Variants in SLC6A7 observed in about 807,000 individuals in gnomAD.
SLC6A7 encodes solute carrier family 6 member 7, also known as sodium-dependent proline transporter.
A neutral mutation model predicts 73.1 loss-of-function variants in SLC6A7; 58 were observed. The ratio of observed to expected loss-of-function variants is 0.79; its 90% CI spans 0.64 to 0.99. The LOEUF is 0.99. Among genes scored for constraint, SLC6A7 ranks in the 50% least tolerant of loss-of-function variants. The probability of loss-of-function intolerance (pLI) is 0.00; values close to 1 mark genes in which losing one functional copy is unlikely to be tolerated. For synonymous variants in SLC6A7, 338 were observed against 338.7 expected (o/e 1.00, Z 0.02); for missense variants, 783 against 831.4 (o/e 0.94, Z 0.72).
intron 1 of SLC6A7, among the ~76,000 whole-genome samples, chr5:150,192,494 A>C (rs573428234): frequency 6.6e-6 from 1 of 152,318 alleles, no homozygotes; most frequent in East Asian, 1.9e-4. Flanking sequence ...TTCAGCTTCC[A>C]GCCCTGCCCC....
intron 10 of SLC6A7, among the ~76,000 whole-genome samples, chr5:150,204,313 T>C (rs1055327024): frequency 3.9e-5 from 6 of 152,158 alleles, no homozygotes; most frequent in Non-Finnish European, 7.4e-5. Flanking sequence ...CTCCCTGAGA[T>C]TGTTTTTCCT....
chr5:150,202,283 C>A, intron 6 of SLC6A7, 64 bp from the exon 7 acceptor site: 1 of 1,125,864 alleles, frequency 8.9e-7, no homozygotes, highest in South Asian at 1.3e-5. Flanking sequence ...CATCTTCATT[C>A]ACTGCCTTCC....
At chr5:150,204,097 G>C in intron 10 of SLC6A7, 59 bp downstream of exon 10, 1 of 1,537,706 alleles carries the variant, frequency 6.5e-7, no homozygotes, top group Admixed American at 1.8e-5. Context: ...CGCCTGCAAC[G>C]AGATCTCTGG....
Position 150,204,922 on chromosome 5 carries a change from C to A in SLC6A7, c.1528C>A (p.Leu510Ile). 2.3e-6 allele frequency: 2 copies of A among 862,720 alleles called. No homozygotes were observed. The highest frequency in any genetic ancestry group is 1.6e-5 in the African/African-American group (1 of 61,052). 53.4% of individuals were successfully genotyped at this position (862,720 alleles called of 1,614,324 possible). A position where few individuals can be genotyped will look rare whatever the true frequency, so the allele number is the denominator to read the frequency against. Residue 510 changes from leucine (L) to isoleucine (I), a missense_variant, in exon 12 of 14, where the codon CTC (leucine) becomes ATC (isoleucine). Coordinates refer to ENST00000230671, the MANE Select transcript of SLC6A7 (RefSeq NM_014228.5). Reference sequence around the variant, plus strand: ...CTGGCTGTTCCTGTCCCCAGCCACGCTCTTGGTAACTGGGGAGGGCGGGAG... The same window carrying A: ...CTGGCTGTTCCTGTCCCCAGCCACGATCTTGGTAACTGGGGAGGGCGGGAG... ...ACWLFLSPAT[L>I]LALMVYSIVK...
intron 13 of SLC6A7, among the ~76,000 whole-genome samples, chr5:150,208,918 G>T (rs1013464801): frequency 1.3e-5 from 2 of 152,180 alleles, no homozygotes; most frequent in African/African-American, 4.8e-5. Context: ...GCCCACCGCA[G>T]TTCTCCCGGT....
Position 150,197,150 on chromosome 5 carries a change from C to T in SLC6A7, c.458C>T (p.Pro153Leu). ...YLFASLTSDL[P>L]WEHCGNWWNT... ...TTCGCCTCCCTCACCAGCGACCTAC[C>T]CTGGGAGCACTGTGGCAACTGGTGG... Residue 153 changes from proline (P) to leucine (L), a missense_variant, in exon 4 of 14, where the codon CCC becomes CTC. Coordinates refer to ENST00000230671, the MANE Select transcript of SLC6A7 (RefSeq NM_014228.5). The T allele has an allele frequency of 6.2e-7, 1 of 1,614,070 alleles. No homozygotes were observed.
intron 11 of SLC6A7, 79 bp downstream of exon 11, chr5:150,204,710 T>C: frequency 7.3e-7 from 1 of 1,361,440 alleles, no homozygotes; most frequent in South Asian, 1.2e-5. Context: ...CCCCAGTACC[T>C]GGGTCCCTGG....
intron 13 of SLC6A7, 82 bp downstream of exon 13, chr5:150,205,705 A>C: frequency 8.2e-7 from 1 of 1,218,306 alleles, no homozygotes; most frequent in Non-Finnish European, 1.2e-6. Flanking sequence ...CAGAAAACAT[A>C]TGCACCCACC....
rs1179742703 is a variant in SLC6A7 at position 150,194,808 on chromosome 5, G to A, written c.114G>A (p.Gly38=). The A allele has an allele frequency of 1.9e-6, 3 of 1,614,036 alleles. No homozygotes were observed. Among genetic ancestry groups the A allele is most frequent in the Non-Finnish European group, 2.5e-6 (3 of 1,180,012 alleles). The change falls in exon 2 of 14, where the codon GGG becomes GGA. Residue 38 remains glycine (G), a synonymous_variant. Coordinates refer to ENST00000230671, the MANE Select transcript of SLC6A7 (RefSeq NM_014228.5). ...ATGTGGACTTTGCTGCACACCGGGG[G>A]AACTGGACAGGCAAGCTGGACTTCC... ...DLDVDFAAHR[G]NWTGKLDFLL...
chr5:150,193,135 T>C (rs1752860506), intron 1 of SLC6A7, among the ~76,000 whole-genome samples: 1 of 152,238 alleles, frequency 6.6e-6, no homozygotes, highest in Admixed American at 6.5e-5. Context: ...CAGCTCTTCA[T>C]GCTCTGTCAT....
At chr5:150,195,233 G>T in intron 2 of SLC6A7, 1 of 248,434 alleles carries the variant, frequency 4.0e-6, no homozygotes, top group African/African-American at 2.2e-5. Context: ...GTATCTGCCT[G>T]CCGATGATCA....
At chr5:150,201,441 G>C (rs974700648) in intron 6 of SLC6A7, among the ~76,000 whole-genome samples, 3 of 152,124 alleles carry the variant, frequency 2.0e-5, no homozygotes, top group African/African-American at 7.2e-5. Flanking sequence ...ATATGTACCT[G>C]GGGGAACTGT....
At chr5:150,201,287 G>A (rs920253181) in intron 6 of SLC6A7, 64 bp downstream of exon 6, 4 of 1,390,430 alleles carry the variant, frequency 2.9e-6, no homozygotes, top group Non-Finnish European at 3.9e-6. Context: ...TGGAAAGAGG[G>A]CTCCCTGGGA....
chr5:150,190,721 G>C (rs988893685), intron 1 of SLC6A7, among the ~76,000 whole-genome samples: 4 of 152,200 alleles, frequency 2.6e-5, no homozygotes, highest in African/African-American at 9.6e-5. Context: ...CCGGGTGTGG[G>C]GGGTATTGGA....
intron 4 of SLC6A7, among the ~76,000 whole-genome samples, chr5:150,198,099 GAAAGAAAGAAAGAAAGAGAA>G (rs1283311782): frequency 9.1e-6 from 1 of 109,384 alleles, no homozygotes; most frequent in African/African-American, 3.3e-5. Flanking sequence ...AAGAAAGAAA[GAAAGAAAGAAAGAAAGAGAA>G]AGAAAGAAAG....
chr5:150,200,406 T>A (rs1753312764), intron 5 of SLC6A7, among the ~76,000 whole-genome samples: 1 of 152,018 alleles, frequency 6.6e-6, no homozygotes, highest in Admixed American at 6.5e-5. Context: ...GACGGGAGAA[T>A]CGCTTGAACC....
chr5:150,209,411 C>T lies in SLC6A7; in HGVS notation c.1707C>T (p.Leu569=), dbSNP rs2113992989. 1 of 1,613,284 alleles carries T rather than the reference C, an allele frequency of 6.2e-7. No homozygotes were observed. Among genetic ancestry groups the T allele is most frequent in the Non-Finnish European group, 8.5e-7 (1 of 1,179,892 alleles). ...CTCTCGTTGCTTTGCTGCAGCGGCTCCAACAGGCCAGCCGGCCGGCCATGG... is the reference window on the plus strand; with the variant it reads ...CTCTCGTTGCTTTGCTGCAGCGGCTTCAACAGGCCAGCCGGCCGGCCATGG... ...LREEGSLWER[L]QQASRPAMDW... Residue 569 remains leucine, a synonymous_variant, in exon 14 of 14, where the codon CTC becomes CTT. Coordinates refer to ENST00000230671, the MANE Select transcript of SLC6A7 (RefSeq NM_014228.5).
chr5:150,198,106 A>AG (rs375895638), intron 4 of SLC6A7, among the ~76,000 whole-genome samples: 9 of 53,748 alleles, frequency 1.7e-4, no homozygotes, highest in South Asian at 5.9e-4. Context: ...AAAGAAAGAA[A>AG]GAAAGAAAGA....
chr5:150,204,550 G>A lies in SLC6A7; in HGVS notation c.1351G>A (p.Val451Ile). Residue 451 changes from valine (V) to isoleucine (I), a missense_variant, in exon 11 of 14, where the codon GTC (valine) becomes ATC (isoleucine). By Grantham distance (29) the Val-to-Ile change is conservative. Coordinates refer to ENST00000230671, the MANE Select transcript of SLC6A7 (RefSeq NM_014228.5). ...GTTTTAGGGGGGCATGTACTGGCTGGTCCTTCTGGATGACTACAGCGCCAG... is the reference window on the plus strand; with the variant it reads ...GTTTTAGGGGGGCATGTACTGGCTGATCCTTCTGGATGACTACAGCGCCAG... ...LTTDGGMYWLVLLDDYSASFG... is the reference protein window; with the variant it reads ...LTTDGGMYWLILLDDYSASFG... 2 of 1,614,064 alleles carry A rather than the reference G, an allele frequency of 1.2e-6. No homozygotes were observed. The highest frequency in any genetic ancestry group is 1.7e-6 in the Non-Finnish European group (2 of 1,179,876).
Sources: allele counts gnomAD v4.1 joint callset (sites outside exome capture counted in the v4.1 genomes callset), GRCh38; gene constraint gnomAD v4.1.1; transcripts MANE v1.5; gene names NCBI Gene and HGNC (gene_info 2026-07-23, HGNC 2026-07-21).